The following ANKS1B variants were observed in gnomAD, a reference collection of about 807,000 sequenced individuals.
The protein encoded by ANKS1B is ankyrin repeat and sterile alpha motif domain containing 1B.
A neutral mutation model predicts 148.3 loss-of-function variants in ANKS1B; 36 were observed. The observed-to-expected ratio is 0.24, with a 90% CI of 0.19 to 0.32. ANKS1B has a LOEUF of 0.32. ANKS1B is among the 10% of genes least tolerant of loss of function. The pLI is 1.00. For missense variants in ANKS1B, 1,157 were observed against 1,542.6 expected, an observed-to-expected ratio of 0.75 and a Z score of 4.19; for synonymous variants, 542 against 560.8, an observed-to-expected ratio of 0.97 and a Z score of 0.47.
intron 17 of ANKS1B, among the ~76,000 whole-genome samples, chr12:98,964,654 C>A (rs1169598379): frequency 2.0e-5 from 3 of 152,186 alleles, no homozygotes; most frequent in Non-Finnish European, 4.4e-5. Flanking sequence ...TCATTGTCAA[C>A]AACGTGGATG....
chr12:98,832,816 T>C (rs1184236858), intron 17 of ANKS1B, among the ~76,000 whole-genome samples: 3 of 152,158 alleles, frequency 2.0e-5, no homozygotes, highest in Non-Finnish European at 4.4e-5. Context: ...GCTTAGTGTT[T>C]GTGTTTTGTT....
chr12:99,079,880 T>C (rs577429391), intron 16 of ANKS1B: 1 of 152,210 alleles, frequency 6.6e-6, no homozygotes, highest in Non-Finnish European at 1.5e-5. Context: ...CTCGCTCTCC[T>C]GGGGGGTGAC....
chr12:98,856,498 T>C (rs556941987), intron 17 of ANKS1B, among the ~76,000 whole-genome samples: 1 of 152,302 alleles, frequency 6.6e-6, no homozygotes, highest in East Asian at 1.9e-4. Context: ...GCATTTAATG[T>C]GTTGATTATA....
chr12:98,779,002 T>C (rs2098708144), intron 24 of ANKS1B, among the ~76,000 whole-genome samples: 1 of 152,128 alleles, frequency 6.6e-6, no homozygotes, highest in Non-Finnish European at 1.5e-5. Flanking sequence ...AGGCACATGT[T>C]GTCATACATT....
At chr12:99,189,804 CA>C (rs2080398946) in intron 14 of ANKS1B, among the ~76,000 whole-genome samples, 1 of 152,124 alleles carries the variant, frequency 6.6e-6, no homozygotes, top group African/African-American at 2.4e-5. Context: ...CCTCTCTCAC[CA>C]CTCCTATTCA....
At chr12:99,327,414 ATATAT>A (rs1170957885) in intron 12 of ANKS1B, among the ~76,000 whole-genome samples, 1 of 133,394 alleles carries the variant, frequency 7.5e-6, no homozygotes, top group Non-Finnish European at 1.5e-5. Flanking sequence ...ATATATAATT[ATATAT>A]TATATTGTCT....
At chr12:99,853,515 C>T (rs1258524503) in intron 1 of ANKS1B, among the ~76,000 whole-genome samples, 1 of 152,064 alleles carries the variant, frequency 6.6e-6, no homozygotes, top group Non-Finnish European at 1.5e-5. Context: ...CTCAGGAATC[C>T]CCATCACTAG....
chr12:99,550,396 G>C (rs935231257), intron 9 of ANKS1B, among the ~76,000 whole-genome samples: 1 of 152,156 alleles, frequency 6.6e-6, no homozygotes, highest in Non-Finnish European at 1.5e-5. Flanking sequence ...GGCTGAGGCA[G>C]GCAGATCAAT....
intron 15 of ANKS1B, among the ~76,000 whole-genome samples, chr12:99,092,493 T>C (rs1599800475): frequency 6.8e-6 from 1 of 146,158 alleles, no homozygotes; most frequent in African/African-American, 2.6e-5. Context: ...AAAAAAAACT[T>C]CCTTGGGTAG....
rs189975979 is a variant in ANKS1B, at chr12:99,150,900, G to C, written c.2526+3389C>G. Among the ~76,000 whole-genome samples, 198 of 152,082 alleles carry C rather than the reference G, an allele frequency of 1.3e-3. 1 individual carries two copies. The highest frequency in any genetic ancestry group is 4.5e-3 in the African/African-American group (186 of 41,502). On this transcript the variant is annotated intron_variant, in intron 15 of 26. Transcript: ENST00000683438. ...CTGAGGGGATAAACAGGTAAGGTGG[G>C]ATCTGGGCAGATTTTCAGACAAAAG... is the stretch of plus-strand genomic sequence containing the variant.
intron 17 of ANKS1B, among the ~76,000 whole-genome samples, chr12:98,888,051 T>C (rs1237832176): frequency 1.3e-5 from 2 of 152,258 alleles, no homozygotes; most frequent in Non-Finnish European, 2.9e-5. Context: ...ATAAGTCTAC[T>C]GCTAAAGGTG....
chr12:99,917,643 T>C (rs1455526327), intron 1 of ANKS1B, among the ~76,000 whole-genome samples: 1 of 152,196 alleles, frequency 6.6e-6, no homozygotes, highest in African/African-American at 2.4e-5. Flanking sequence ...TTTTGCCTTT[T>C]TTGCCTCTGC....
intron 15 of ANKS1B, among the ~76,000 whole-genome samples, chr12:99,102,431 C>A (rs566543467): frequency 1.3e-5 from 2 of 152,076 alleles, no homozygotes; most frequent in Non-Finnish European, 2.9e-5. Flanking sequence ...TCTTCTTCTT[C>A]TTCTTTTTTT....
chr12:99,833,486 A>T (rs2084345842), intron 1 of ANKS1B, among the ~76,000 whole-genome samples: 1 of 152,198 alleles, frequency 6.6e-6, no homozygotes, highest in Non-Finnish European at 1.5e-5. Flanking sequence ...CCTATGGGAG[A>T]TGGTATCCAT....
At chr12:99,507,792 T>A (rs1276652075) in intron 9 of ANKS1B, among the ~76,000 whole-genome samples, 1 of 151,830 alleles carries the variant, frequency 6.6e-6, no homozygotes, top group East Asian at 1.9e-4. Context: ...ATCTGACAAG[T>A]GACCGTCAAA....
At chr12:99,733,224 T>C (rs1317129517) in intron 8 of ANKS1B, among the ~76,000 whole-genome samples, 2 of 152,220 alleles carry the variant, frequency 1.3e-5, no homozygotes, top group Admixed American at 6.5e-5. Flanking sequence ...ATTTTAAATG[T>C]GTTTGCCTGG....
chr12:99,899,738 T>C (rs1331893399), intron 1 of ANKS1B, among the ~76,000 whole-genome samples: 1 of 152,150 alleles, frequency 6.6e-6, no homozygotes, highest in East Asian at 1.9e-4. Context: ...GAATTTCCAC[T>C]GTAGGAAATA....
intron 11 of ANKS1B, among the ~76,000 whole-genome samples, chr12:99,408,306 C>A (rs563839003): frequency 6.9e-6 from 1 of 145,274 alleles, no homozygotes; most frequent in African/African-American, 2.6e-5. Flanking sequence ...AGCAGAAGAA[C>A]GAAAGTAGAC....
chr12:99,923,751 G>A (rs777741035), intron 1 of ANKS1B, among the ~76,000 whole-genome samples: 1 of 151,866 alleles, frequency 6.6e-6, no homozygotes, highest in Non-Finnish European at 1.5e-5. Flanking sequence ...TTATTTCTAC[G>A]TTAGTGGACT....
Sources: gnomAD v4.1 joint callset for allele counts (sites outside exome capture counted in the v4.1 genomes callset) on GRCh38, gnomAD v4.1.1 for gene constraint, MANE v1.5 for transcripts, NCBI Gene and HGNC (gene_info 2026-07-23, HGNC 2026-07-21) for gene names.